The following CHRM3 variants were observed in gnomAD, a reference collection of about 807,000 sequenced individuals.
CHRM3 encodes cholinergic receptor muscarinic 3.
A neutral mutation model predicts 41.8 loss-of-function variants in CHRM3; 11 were observed. The observed-to-expected ratio is 0.26, with a 90% CI of 0.17 to 0.44. CHRM3 has a LOEUF of 0.44. Among genes scored for constraint, CHRM3 ranks in the 20% least tolerant of loss-of-function variants. The probability of loss-of-function intolerance (pLI) is 1.00; values close to 1 mark genes in which losing one functional copy is unlikely to be tolerated. For missense variants in CHRM3, 571 were observed against 745.4 expected, an observed-to-expected ratio of 0.77 and a Z score of 2.72; for synonymous variants, 297 against 301.4, an observed-to-expected ratio of 0.99 and a Z score of 0.15.
At chr1:239,441,589 T>C (rs1266653063) in intron 1 of CHRM3, among the ~76,000 whole-genome samples, 1 of 152,148 alleles carries the variant, frequency 6.6e-6, no homozygotes, top group Non-Finnish European at 1.5e-5. Context: ...AGGAGAGGGG[T>C]GGACAAAACC....
At chr1:239,859,712 A>G (rs658091) in intron 6 of CHRM3, among the ~76,000 whole-genome samples, 81,564 of 150,130 alleles carry the variant, frequency 0.54, 22,844 homozygotes, top group East Asian at 0.62. Context: ...CACCACTCCC[A>G]GCCATACTGT....
chr1:239,810,798 G>A (rs1196318252), intron 5 of CHRM3, among the ~76,000 whole-genome samples: 1 of 152,184 alleles, frequency 6.6e-6, no homozygotes. Flanking sequence ...ACCCTTTGAG[G>A]CCAAGAGCAG....
chr1:239,489,273 G>A (rs977951086), intron 1 of CHRM3, among the ~76,000 whole-genome samples: 2 of 152,052 alleles, frequency 1.3e-5, no homozygotes, highest in Non-Finnish European at 1.5e-5. Flanking sequence ...TTAGCCGGGC[G>A]TGGGGACACA....
intron 4 of CHRM3, among the ~76,000 whole-genome samples, chr1:239,668,285 C>T (rs955969669): frequency 2.6e-5 from 4 of 151,444 alleles, no homozygotes; most frequent in Admixed American, 2.0e-4. Flanking sequence ...GATGGGTTTT[C>T]ACCATGTTAG....
chr1:239,584,947 A>T (rs1488589439), intron 3 of CHRM3, among the ~76,000 whole-genome samples: 1 of 152,088 alleles, frequency 6.6e-6, no homozygotes, highest in Non-Finnish European at 1.5e-5. Context: ...CCTAAGATAC[A>T]ATTAATTTTG....
At chr1:239,615,422 A>T (rs1019116034) in intron 3 of CHRM3, among the ~76,000 whole-genome samples, 1 of 152,072 alleles carries the variant, frequency 6.6e-6, no homozygotes, top group Non-Finnish European at 1.5e-5. Context: ...GAGAAGTGAC[A>T]CTTCCTTTGG....
At position 239,914,851 on chromosome 1, in the gene CHRM3, C is replaced by G. The variant is rs1680560140; in HGVS notation, c.*5627C>G. ...TTATCCTGTTCTGCAAGCAATCAAA[C>G]ACATGATCTCCCTTCTAGCCATTCC... On this transcript the variant is annotated 3_prime_UTR_variant, in exon 7 of 7. Coordinates refer to ENST00000676153, the MANE Select transcript of CHRM3 (RefSeq NM_001375978.1). 6.0e-6 allele frequency: 1 copy of G among 166,936 alleles called. No homozygotes were observed. The highest frequency in any genetic ancestry group is 6.5e-5 in the Admixed American group (1 of 15,286). 10.3% of individuals were successfully genotyped at this position (166,936 alleles called of 1,614,324 possible).
intron 3 of CHRM3, among the ~76,000 whole-genome samples, chr1:239,582,398 C>T (rs1002624971): frequency 2.6e-5 from 4 of 152,128 alleles, no homozygotes; most frequent in African/African-American, 9.7e-5. Flanking sequence ...TTATCGCTAA[C>T]TCAGTTTTCT....
chr1:239,407,263 C>T (rs1238071234), intron 1 of CHRM3, among the ~76,000 whole-genome samples: 1 of 152,120 alleles, frequency 6.6e-6, no homozygotes, highest in East Asian at 1.9e-4. Flanking sequence ...GCATGCGTCA[C>T]TTTCATCATT....
At chr1:239,795,223 A>G (rs1669673621) in intron 5 of CHRM3, among the ~76,000 whole-genome samples, 1 of 152,190 alleles carries the variant, frequency 6.6e-6, no homozygotes, top group South Asian at 2.1e-4. Context: ...CTGACATAAG[A>G]AGTAGGTGGG....
chr1:239,759,912 TTTTA>T (rs1245767700), intron 5 of CHRM3, among the ~76,000 whole-genome samples: 4 of 152,094 alleles, frequency 2.6e-5, no homozygotes, highest in African/African-American at 7.2e-5. Context: ...TTTTTGTTAT[TTTTA>T]TTTATTTATT....
chr1:239,528,649 T>C (rs1389297045), intron 2 of CHRM3, among the ~76,000 whole-genome samples: 1 of 152,190 alleles, frequency 6.6e-6, no homozygotes, highest in Non-Finnish European at 1.5e-5. Flanking sequence ...TCCCAGCACT[T>C]TGGGAGGCCA....
intron 5 of CHRM3, among the ~76,000 whole-genome samples, chr1:239,800,438 T>TC (rs1379943083): frequency 6.6e-6 from 1 of 152,236 alleles, no homozygotes; most frequent in Non-Finnish European, 1.5e-5. Flanking sequence ...TCTGCTGATT[T>TC]CCCCACTTTA....
In CHRM3 at chr1:239,619,345, A is replaced by G. The variant is rs150425403; in HGVS notation, c.-312-12879A>G. 3.6e-3 allele frequency among the ~76,000 whole-genome samples: 545 copies of G among 152,310 alleles called. 4 individuals are homozygous for G. The highest frequency in any genetic ancestry group is 0.012 in the African/African-American group (495 of 41,572). On this transcript the variant is annotated intron_variant, in intron 3 of 6. Transcript: ENST00000676153. ...GACTGCCTGAAGTCCACACTCAGCC[A>G]CTGCTGAAGACCCTGGATGGAGACT... is the stretch of plus-strand genomic sequence containing the variant.
At chr1:239,488,714 CAAAAAAAAAAAAAAAAAAAAAAA>C (rs763682628) in intron 1 of CHRM3, among the ~76,000 whole-genome samples, 1 of 46,208 alleles carries the variant, frequency 2.2e-5, no homozygotes, top group African/African-American at 1.0e-4. Context: ...GACTCCTTCT[CAAAAAAAAAAAAAAAAAAAAAAA>C]AAAAAAAAAA....
At chr1:239,591,057 A>G (rs975387745) in intron 3 of CHRM3, among the ~76,000 whole-genome samples, 1 of 152,200 alleles carries the variant, frequency 6.6e-6, no homozygotes, top group African/African-American at 2.4e-5. Flanking sequence ...CACATGGGAA[A>G]CATAATAGGT....
At position 239,599,960 on chromosome 1, in the gene CHRM3, G is replaced by C. The variant is rs12097102; in HGVS notation, c.-312-32264G>C. 4.1e-3 allele frequency among the ~76,000 whole-genome samples: 621 copies of C among 152,202 alleles called. 7 individuals are homozygous for C. Among genetic ancestry groups the C allele is most frequent in the African/African-American group, 0.014 (584 of 41,528 alleles). ...ATCATCTATATAGACCCACTTGACT[G>C]TGCCACCAACTCTCACACATAAAAT... On this transcript the variant is annotated intron_variant, in intron 3 of 6. Coordinates refer to ENST00000676153, the MANE Select transcript of CHRM3 (RefSeq NM_001375978.1).
At position 239,748,797 on chromosome 1, in the gene CHRM3, G is replaced by T. The variant is rs1222515093; in HGVS notation, c.-147+70509G>T. On this transcript the variant is annotated intron_variant, in intron 5 of 6. Coordinates refer to ENST00000676153, the MANE Select transcript of CHRM3 (RefSeq NM_001375978.1). This position sits in a 1 kb window ranked among gnomAD's most constrained non-coding sequence, Gnocchi z 4.3. ...CACAAAGAAGTTTTATGCAAATTCTGGTGGGCCTTGTATTTTATGTTAGCC... is the reference window on the plus strand; with the variant it reads ...CACAAAGAAGTTTTATGCAAATTCTTGTGGGCCTTGTATTTTATGTTAGCC... 1.3e-5 allele frequency among the ~76,000 whole-genome samples: 2 copies of T among 152,182 alleles called. No homozygotes were observed. The highest frequency in any genetic ancestry group is 2.9e-5 in the Non-Finnish European group (2 of 68,038).
intron 2 of CHRM3, among the ~76,000 whole-genome samples, chr1:239,496,510 AGTGTGTGTGTGTGT>A (rs71166874): frequency 2.1e-5 from 3 of 144,982 alleles, no homozygotes; most frequent in Admixed American, 7.0e-5. Context: ...TAGTAATTCT[AGTGTGTGTGTGTGT>A]GTGTGTGTGT....
Sources: gnomAD v4.1 joint callset for allele counts (sites outside exome capture counted in the v4.1 genomes callset) on GRCh38, gnomAD v4.1.1 for gene constraint, Gnocchi (gnomAD v3.1) non-coding constraint, MANE v1.5 for transcripts, NCBI Gene and HGNC (gene_info 2026-07-23, HGNC 2026-07-21) for gene names.